MYO9A: variants seen among roughly 807,000 people sequenced by gnomAD.
MYO9A encodes the protein myosin IXA, also known as unconventional myosin-IXa.
A neutral mutation model predicts 293.3 loss-of-function variants in MYO9A; 103 were observed. The ratio of observed to expected loss-of-function variants is 0.35; its 90% CI spans 0.30 to 0.41. The LOEUF (loss-of-function observed/expected upper bound fraction) is 0.41. MYO9A is among the 10% of genes least tolerant of loss of function. The pLI, the probability that MYO9A is intolerant of heterozygous loss-of-function variation, is 1.00. For synonymous variants in MYO9A, 1,001 were observed against 1,035.7 expected (o/e 0.97, Z 0.64); for missense variants, 2,685 against 3,033.0 (o/e 0.89, Z 2.69).
chr15:71,857,614 T>C (rs2055912627), intron 34 of MYO9A, among the ~76,000 whole-genome samples: 1 of 152,152 alleles, frequency 6.6e-6, no homozygotes. Context: ...GTTAGTTTAA[T>C]CTATTTTTGA....
chr15:72,110,539 A>C (rs1013721447), intron 1 of MYO9A, among the ~76,000 whole-genome samples: 22 of 152,080 alleles, frequency 1.4e-4, no homozygotes, highest in Admixed American at 1.3e-3. Flanking sequence ...TACACACTAC[A>C]AACAGCAATA....
chr15:71,876,354 C>G (rs2056685653), intron 31 of MYO9A, among the ~76,000 whole-genome samples: 1 of 149,838 alleles, frequency 6.7e-6, no homozygotes, highest in South Asian at 2.1e-4. Flanking sequence ...AAACCCCTGA[C>G]TTCATGATCC....
chr15:71,963,034 T>C (rs1227176453), intron 13 of MYO9A, among the ~76,000 whole-genome samples: 2 of 152,184 alleles, frequency 1.3e-5, no homozygotes, highest in Non-Finnish European at 2.9e-5. Flanking sequence ...TGCTAGTTCA[T>C]ATTGGAAATT....
At chr15:71,950,268 G>C (rs2059020937) in intron 15 of MYO9A, 1 of 152,172 alleles carries the variant, frequency 6.6e-6, no homozygotes, top group South Asian at 2.1e-4. Flanking sequence ...GTCCACAAAA[G>C]TAGAAATTTG....
At chr15:72,039,197 A>C (rs1458024248) in intron 2 of MYO9A, among the ~76,000 whole-genome samples, 1 of 152,160 alleles carries the variant, frequency 6.6e-6, no homozygotes, top group African/African-American at 2.4e-5. Flanking sequence ...CTAAAGTGAC[A>C]CAAGTATGTC....
chr15:71,948,353 C>T (rs2058969917), intron 15 of MYO9A, among the ~76,000 whole-genome samples: 1 of 152,116 alleles, frequency 6.6e-6, no homozygotes, highest in Admixed American at 6.5e-5. Flanking sequence ...AACTAGAGTC[C>T]ATGGCCTAAA....
intron 34 of MYO9A, among the ~76,000 whole-genome samples, chr15:71,857,706 T>C (rs2055918235): frequency 6.6e-6 from 1 of 152,170 alleles, no homozygotes; most frequent in Non-Finnish European, 1.5e-5. Flanking sequence ...TTGCACTTTT[T>C]ACATTTAGTG....
At chr15:71,987,502 C>T (rs1256975907) in intron 11 of MYO9A, among the ~76,000 whole-genome samples, 6 of 152,174 alleles carry the variant, frequency 3.9e-5, no homozygotes. Context: ...AGCTTCAGCT[C>T]ACTATTTGAA....
chr15:71,956,330 A>AAAAAAAATATATATATATATATATAT (rs10642655), intron 14 of MYO9A, among the ~76,000 whole-genome samples: 1 of 75,582 alleles, frequency 1.3e-5, no homozygotes, highest in African/African-American at 6.0e-5. Flanking sequence ...AAAAAAAAAA[A>AAAAAAAATATATATATATATATATAT]ATATATATAT....
chr15:71,991,322 T>A (rs1262683232), intron 10 of MYO9A, 85 bp from the exon 11 acceptor site: 1 of 1,126,950 alleles, frequency 8.9e-7, no homozygotes, highest in African/African-American at 1.6e-5. Context: ...AACAAAATGC[T>A]CAATTCCTCT....
At chr15:71,835,748 T>G (rs1228584705) in intron 39 of MYO9A, among the ~76,000 whole-genome samples, 2 of 152,108 alleles carry the variant, frequency 1.3e-5, no homozygotes, top group Non-Finnish European at 2.9e-5. Context: ...CCCAAGAGAA[T>G]TTTTTGAGGC....
At chr15:71,961,799 A>G (rs2075752658) in intron 13 of MYO9A, among the ~76,000 whole-genome samples, 1 of 152,086 alleles carries the variant, frequency 6.6e-6, no homozygotes, top group Non-Finnish European at 1.5e-5. Context: ...AGCTCACTGC[A>G]GCTTGTTAAC....
intron 1 of MYO9A, among the ~76,000 whole-genome samples, chr15:72,096,160 CA>C (rs990440272): frequency 3.8e-3 from 234 of 61,478 alleles, no homozygotes; most frequent in Middle Eastern, 0.016. Context: ...GAGACTGTCT[CA>C]AAAAAAAAAA....
chr15:71,827,496 A>C (rs2054552905), intron 41 of MYO9A, among the ~76,000 whole-genome samples: 1 of 152,104 alleles, frequency 6.6e-6, no homozygotes, highest in African/African-American at 2.4e-5. Context: ...AGTACAGGAT[A>C]AAACATTAAA....
chr15:71,830,109 T>C lies in MYO9A; in HGVS notation c.7040A>G (p.Lys2347Arg), dbSNP rs1203371209. The stretch of plus-strand genomic sequence containing the variant: ...TCTCCCCTTCCTCCTGGATACTCAC[T>C]TCTCCTTCTGTAGGTTCTCAATCTG... ...TEQIENLQKE[K>R]EELTFEMLVL... is the part of the protein sequence containing the mutation. Residue 2347 changes from lysine to arginine, a missense_variant and splice_region_variant, in exon 40 of 42, where the codon AAG becomes AGG. Coordinates refer to ENST00000356056, the MANE Select transcript of MYO9A (RefSeq NM_006901.4). 6.2e-7 allele frequency: 1 copy of C among 1,613,752 alleles called. No homozygotes were observed. The highest frequency in any genetic ancestry group is 8.5e-7 in the Non-Finnish European group (1 of 1,179,836).
intron 1 of MYO9A, among the ~76,000 whole-genome samples, chr15:72,099,562 A>G (rs1425357635): frequency 6.6e-6 from 1 of 151,722 alleles, no homozygotes; most frequent in Non-Finnish European, 1.5e-5. Context: ...TGGTCACATC[A>G]CTGCACTCCA....
intron 3 of MYO9A, among the ~76,000 whole-genome samples, chr15:72,028,410 G>A (rs1296307580): frequency 6.6e-6 from 1 of 151,324 alleles, no homozygotes; most frequent in African/African-American, 2.4e-5. Context: ...CACTTTGGGA[G>A]GCCGAGGAGG....
In MYO9A at chr15:71,898,882, C is replaced by T. The variant is rs779558860; in HGVS notation, c.3621G>A (p.Glu1207=). 1.2e-6 allele frequency: 2 copies of T among 1,614,122 alleles called. No homozygotes were observed. Among genetic ancestry groups the T allele is most frequent in the Non-Finnish European group, 1.7e-6 (2 of 1,180,004 alleles). The part of the protein sequence containing the change: ...CSFDNRIKAI[E]ECKSVIESNR... ...TACTCTCTATTACAGATTTACATTCCTCTATGGCTTTTATTCTGTTGTCAA... is the reference window on the plus strand; with the variant it reads ...TACTCTCTATTACAGATTTACATTCTTCTATGGCTTTTATTCTGTTGTCAA... The change falls in exon 25 of 42, where the codon GAG becomes GAA. Residue 1207 remains glutamate, a synonymous_variant. Transcript: ENST00000356056.
At chr15:72,023,766 G>C (rs2077577730) in intron 4 of MYO9A, among the ~76,000 whole-genome samples, 1 of 148,950 alleles carries the variant, frequency 6.7e-6, no homozygotes, top group African/African-American at 2.5e-5. Context: ...AAAAAAGAAA[G>C]GGACATAAAG....
Sources: gnomAD v4.1 joint callset for allele counts (sites outside exome capture counted in the v4.1 genomes callset) on GRCh38, gnomAD v4.1.1 for gene constraint, MANE v1.5 for transcripts, NCBI Gene and HGNC (gene_info 2026-07-23, HGNC 2026-07-21) for gene names.